TMEM9: variants seen among roughly 807,000 people sequenced by gnomAD.
The protein encoded by TMEM9 is proton-transporting V-type ATPase complex assembly regulator TMEM9.
A neutral mutation model predicts 22.8 loss-of-function variants in TMEM9; 13 were observed. The ratio of observed to expected loss-of-function variants is 0.57; its 90% CI spans 0.37 to 0.91. The LOEUF (loss-of-function observed/expected upper bound fraction) is 0.91, where lower values mean the gene tolerates loss of function less well. Ranked by LOEUF, TMEM9 falls within the 40% of genes least tolerant of loss-of-function variation. The pLI, the probability that TMEM9 is intolerant of heterozygous loss-of-function variation, is 0.01. For synonymous variants in TMEM9, 88 were observed against 93.0 expected, an observed-to-expected ratio of 0.95 and a Z score of 0.31; for missense variants, 182 against 238.1, an observed-to-expected ratio of 0.76 and a Z score of 1.55.
intron 1 of TMEM9, among the ~76,000 whole-genome samples, chr1:201,160,973 T>G (rs537258505): frequency 8.5e-5 from 13 of 152,218 alleles, no homozygotes; most frequent in African/African-American, 3.1e-4. Context: ...CTAAAGAATT[T>G]TGTTTATCTG....
At chr1:201,165,428 A>T (rs995364206) in intron 1 of TMEM9, among the ~76,000 whole-genome samples, 69 of 143,930 alleles carry the variant, frequency 4.8e-4, no homozygotes, top group Non-Finnish European at 7.0e-4. Flanking sequence ...TTGTCTTTTA[A>T]TTTTCTTTTT....
In TMEM9 at chr1:201,146,852, C is replaced by T; in HGVS notation, c.159-4G>A. ...CTCCACCACGTGCAGGCAGTTGCTACAACAGAGAGAGACAGGGCTGTCGAG... is the reference window on the plus strand; with the variant it reads ...CTCCACCACGTGCAGGCAGTTGCTATAACAGAGAGAGACAGGGCTGTCGAG... On this transcript the variant is annotated splice_polypyrimidine_tract_variant and splice_region_variant and intron_variant, in intron 2 of 4. Coordinates refer to ENST00000367330, the MANE Select transcript of TMEM9 (RefSeq NM_001288565.2). 6.2e-7 allele frequency: 1 copy of T among 1,613,942 alleles called. No individual in the cohort carries two copies. The highest frequency in any genetic ancestry group is 8.5e-7 in the Non-Finnish European group (1 of 1,179,872).
chr1:201,140,017 C>T (rs1664381937), intron 4 of TMEM9, among the ~76,000 whole-genome samples: 2 of 152,220 alleles, frequency 1.3e-5, no homozygotes, highest in Non-Finnish European at 2.9e-5. Flanking sequence ...GTGTCTGTTC[C>T]GTGTTTCACT....
rs539678113 is a variant in TMEM9 at position 201,153,578 on chromosome 1, T to C, written c.66+280A>G. Among the ~76,000 whole-genome samples the C allele has an allele frequency of 3.9e-5, 6 of 152,316 alleles. No individual in the cohort carries two copies. The East Asian group carries it at 9.6e-4, about 24-fold the overall frequency. On this transcript the variant is annotated intron_variant, in intron 1 of 4. Transcript: ENST00000367330. ...AAAGCAAAGGAAGGTATGGAGAACT[T>C]AGATAACTTCTCCAAACTTCCTTGC...
chr1:201,165,550 C>T (rs1183669558), intron 1 of TMEM9, among the ~76,000 whole-genome samples: 1 of 151,832 alleles, frequency 6.6e-6, no homozygotes, highest in Non-Finnish European at 1.5e-5. Context: ...GATCCTCCTG[C>T]CTCAGCCTCC....
chr1:201,148,536 C>CGTT (rs1665175927), intron 2 of TMEM9, among the ~76,000 whole-genome samples: 1 of 152,216 alleles, frequency 6.6e-6, no homozygotes, highest in Non-Finnish European at 1.5e-5. Flanking sequence ...TACCCTGGGC[C>CGTT]CGTTCTCTTC....
chr1:201,159,409 G>A (rs1477425121), upstream of TMEM9, among the ~76,000 whole-genome samples: 1 of 151,980 alleles, frequency 6.6e-6, no homozygotes, highest in East Asian at 1.9e-4. Flanking sequence ...CTGCTGTGTA[G>A]TACCCTTTTC....
intron 2 of TMEM9, 161 bp from the exon 3 acceptor site, chr1:201,147,009 G>C: frequency 1.6e-6 from 1 of 637,632 alleles, no homozygotes; most frequent in Middle Eastern, 4.3e-4. Flanking sequence ...TAGGCTGGCA[G>C]AAACCCTTCC....
chr1:201,140,733 C>G (rs532574339), intron 4 of TMEM9, among the ~76,000 whole-genome samples: 6 of 152,178 alleles, frequency 3.9e-5, no homozygotes, highest in Non-Finnish European at 7.3e-5. Flanking sequence ...GGAGCCTAGA[C>G]AGAATTTTCC....
intron 3 of TMEM9, chr1:201,145,578 G>C (rs1664894050): frequency 6.6e-6 from 1 of 152,246 alleles, no homozygotes; most frequent in Non-Finnish European, 1.5e-5. Context: ...GGAGGACCCA[G>C]CAGTGCCTTT....
At chr1:201,138,450 G>A (rs990695069) in intron 4 of TMEM9, among the ~76,000 whole-genome samples, 6 of 152,226 alleles carry the variant, frequency 3.9e-5, no homozygotes, top group Admixed American at 1.3e-4. Flanking sequence ...ATCCTTGCTT[G>A]CTCTGCAGCA....
chr1:201,149,143 G>T (rs1054073870), intron 2 of TMEM9, among the ~76,000 whole-genome samples: 1 of 152,164 alleles, frequency 6.6e-6, no homozygotes, highest in Non-Finnish European at 1.5e-5. Context: ...GCTACCCAGG[G>T]GAACAGCAAT....
At chr1:201,169,780 T>C (rs1355528415) in intron 1 of TMEM9, among the ~76,000 whole-genome samples, 1 of 152,008 alleles carries the variant, frequency 6.6e-6, no homozygotes, top group African/African-American at 2.4e-5. Flanking sequence ...TGACTCTGAG[T>C]TCCCTTTTAA....
intron 1 of TMEM9, among the ~76,000 whole-genome samples, chr1:201,163,419 G>A (rs1402471606): frequency 2.0e-5 from 3 of 152,146 alleles, no homozygotes; most frequent in Non-Finnish European, 2.9e-5. Context: ...GCAAAACCCC[G>A]TCTCTACTAA....
chr1:201,141,060 C>A (rs967108520), intron 4 of TMEM9, among the ~76,000 whole-genome samples: 2 of 152,190 alleles, frequency 1.3e-5, no homozygotes, highest in African/African-American at 2.4e-5. Flanking sequence ...ACTCTCCCAA[C>A]CACCCTGAGT....
intron 1 of TMEM9, among the ~76,000 whole-genome samples, chr1:201,165,323 C>T (rs1373206561): frequency 2.6e-4 from 40 of 151,442 alleles, no homozygotes; most frequent in Non-Finnish European, 1.3e-4. Flanking sequence ...AGGTTTGCTA[C>T]CTGGAGCCAA....
chr1:201,143,760 G>C, intron 4 of TMEM9, 60 bp downstream of exon 4: 1 of 1,591,224 alleles, frequency 6.3e-7, no homozygotes, highest in South Asian at 1.1e-5. Context: ...GCTCCTCTGG[G>C]TTTTGCCCTG....
intron 2 of TMEM9, among the ~76,000 whole-genome samples, chr1:201,147,396 C>G (rs550743217): frequency 6.6e-6 from 1 of 152,154 alleles, no homozygotes; most frequent in African/African-American, 2.4e-5. Context: ...CTTCACTGTC[C>G]GGGTCAAACC....
intron 3 of TMEM9, among the ~76,000 whole-genome samples, chr1:201,145,943 C>G (rs997456695): frequency 6.6e-6 from 1 of 152,180 alleles, no homozygotes; most frequent in Admixed American, 6.5e-5. Flanking sequence ...GCATAGGCAA[C>G]AGAGTCAGAC....
Sources: allele counts gnomAD v4.1 joint callset (sites outside exome capture counted in the v4.1 genomes callset), GRCh38; gene constraint gnomAD v4.1.1; transcripts MANE v1.5; gene names NCBI Gene and HGNC (gene_info 2026-07-23, HGNC 2026-07-21).